Variants in CDH17 observed in about 807,000 individuals in gnomAD.
CDH17 encodes cadherin 17, also known as cadherin-17.
Under a neutral mutation model 86.3 loss-of-function variants are expected in CDH17, and 67 were observed. That is an observed-to-expected ratio of 0.78 (90% CI 0.64 to 0.95). The LOEUF (loss-of-function observed/expected upper bound fraction) is 0.95. CDH17 is among the 40% of genes least tolerant of loss of function. CDH17 has a pLI of 0.00. For missense variants in CDH17, 993 were observed against 1,017.6 expected (o/e 0.98, Z 0.33); for synonymous variants, 367 against 366.4 (o/e 1.00, Z -0.02).
intron 1 of CDH17, among the ~76,000 whole-genome samples, chr8:94,195,596 C>T (rs1166495410): frequency 6.6e-6 from 1 of 152,154 alleles, no homozygotes; most frequent in African/African-American, 2.4e-5. Flanking sequence ...TTTTTCCCTT[C>T]CTCCTTAAGG....
chr8:94,210,226 TAAAA>T (rs71567010), upstream of CDH17, among the ~76,000 whole-genome samples: 568 of 53,440 alleles, frequency 0.011, 3 homozygotes, highest in Middle Eastern at 0.036. Flanking sequence ...TTTATGCGAG[TAAAA>T]AAAAAAAAAA....
At chr8:94,183,846 AAAT>A (rs1229921904) in intron 3 of CDH17, among the ~76,000 whole-genome samples, 2 of 152,252 alleles carry the variant, frequency 1.3e-5, no homozygotes, top group African/African-American at 4.8e-5. Flanking sequence ...CGGAATATGT[AAAT>A]AATTCTTACA....
At chr8:94,191,385 C>T (rs1274351632) in intron 2 of CDH17, among the ~76,000 whole-genome samples, 3 of 151,954 alleles carry the variant, frequency 2.0e-5, no homozygotes, top group Non-Finnish European at 2.9e-5. Context: ...GAAAATAAAC[C>T]CCTATTTATT....
chr8:94,146,259 G>A, intron 14 of CDH17, 92 bp from the exon 15 acceptor site: 1 of 1,187,272 alleles, frequency 8.4e-7, no homozygotes. Flanking sequence ...CAAGGAGTTA[G>A]GTACACTGAG....
At chr8:94,141,788 T>C (rs1812643283) in intron 15 of CDH17, among the ~76,000 whole-genome samples, 1 of 152,180 alleles carries the variant, frequency 6.6e-6, no homozygotes, top group Non-Finnish European at 1.5e-5. Context: ...AATATATCAA[T>C]TCTCCTCCAG....
chr8:94,143,472 C>A (rs1443651197), intron 15 of CDH17, among the ~76,000 whole-genome samples: 1 of 152,160 alleles, frequency 6.6e-6, no homozygotes, highest in African/African-American at 2.4e-5. Context: ...AACTTAAAGT[C>A]ACCAGCTGCA....
intron 17 of CDH17, among the ~76,000 whole-genome samples, chr8:94,129,154 TGTG>T (rs1246808379): frequency 2.0e-5 from 3 of 152,018 alleles, no homozygotes; most frequent in Non-Finnish European, 4.4e-5. Flanking sequence ...GTCTTTAACT[TGTG>T]GTAAGATTAT....
chr8:94,198,724 C>T (rs916045413), intron 1 of CDH17, among the ~76,000 whole-genome samples: 136 of 152,258 alleles, frequency 8.9e-4, no homozygotes, highest in African/African-American at 3.1e-3. Context: ...AAGCTCTCAC[C>T]CCTGCTGCTC....
chr8:94,140,061 A>C (rs1032641506), intron 15 of CDH17, among the ~76,000 whole-genome samples: 1 of 152,166 alleles, frequency 6.6e-6, no homozygotes, highest in Non-Finnish European at 1.5e-5. Flanking sequence ...GAATATTTGG[A>C]AACTAAATAA....
At chr8:94,172,215 A>C (rs1357492297) in intron 7 of CDH17, among the ~76,000 whole-genome samples, 2 of 151,976 alleles carry the variant, frequency 1.3e-5, no homozygotes, top group African/African-American at 4.8e-5. Context: ...AATAATAGCT[A>C]TGAAGACTTT....
chr8:94,196,155 T>C (rs1039771610), intron 1 of CDH17, among the ~76,000 whole-genome samples: 2 of 152,220 alleles, frequency 1.3e-5, no homozygotes, highest in Non-Finnish European at 2.9e-5. Context: ...TACTTCATCA[T>C]CTTATTCTTT....
chr8:94,187,377 C>T (rs1306703125), intron 3 of CDH17, among the ~76,000 whole-genome samples: 1 of 152,222 alleles, frequency 6.6e-6, no homozygotes, highest in Non-Finnish European at 1.5e-5. Context: ...AGCTGGTAAG[C>T]TCACCGGAGC....
intron 15 of CDH17, among the ~76,000 whole-genome samples, chr8:94,134,669 TTCTGA>T (rs1812487488): frequency 1.3e-5 from 2 of 152,002 alleles, no homozygotes; most frequent in Non-Finnish European, 2.9e-5. Flanking sequence ...TTCAGTTCTG[TTCTGA>T]TCTTAGTTAT....
chr8:94,143,410 A>G (rs181634737), intron 15 of CDH17, among the ~76,000 whole-genome samples: 30 of 152,342 alleles, frequency 2.0e-4, no homozygotes, highest in Middle Eastern at 3.4e-3. Context: ...TAGATTTAGC[A>G]TAATTCTTAA....
chr8:94,189,086 A>T, intron 3 of CDH17, 101 bp downstream of exon 3: 1 of 814,070 alleles, frequency 1.2e-6, no homozygotes, highest in Non-Finnish European at 2.1e-6. Context: ...TGAGAATGCC[A>T]TGCCTTTATT....
chr8:94,205,656 A>G (rs1191662677), intron 1 of CDH17, among the ~76,000 whole-genome samples: 2 of 152,222 alleles, frequency 1.3e-5, no homozygotes, highest in African/African-American at 4.8e-5. Flanking sequence ...TCTGCTTAAT[A>G]AAAGGTGCCA....
chr8:94,184,041 A>T (rs1472261047), intron 3 of CDH17, among the ~76,000 whole-genome samples: 3 of 130,762 alleles, frequency 2.3e-5, no homozygotes, highest in African/African-American at 6.7e-5. Flanking sequence ...AGCTATAATT[A>T]AAAAAAAAAA....
chr8:94,189,830 A>G (rs981043527), intron 2 of CDH17, among the ~76,000 whole-genome samples: 5 of 152,264 alleles, frequency 3.3e-5, no homozygotes, highest in Admixed American at 6.5e-5. Flanking sequence ...GTTTTAGCCA[A>G]ATTTGAATCT....
At position 94,128,154 on chromosome 8, in the gene CDH17, A is replaced by T. The variant is rs1812336912; in HGVS notation, c.*86T>A. 1.2e-6 allele frequency: 1 copy of T among 828,676 alleles called. No homozygotes were observed. The highest frequency in any genetic ancestry group is 2.1e-5 in the Admixed American group (1 of 47,862). The allele number at this position is 828,676 out of a possible 1,614,324, so 51.3% of individuals were successfully genotyped here. A position where few individuals can be genotyped will look rare whatever the true frequency, so the allele number is the denominator to read the frequency against. Reference sequence around the variant, plus strand: ...GGGAATATCTGTTTAAAAAATTATAATGCACGTTAGATGAAAAGTAATAGG... The same window carrying T: ...GGGAATATCTGTTTAAAAAATTATATTGCACGTTAGATGAAAAGTAATAGG... On this transcript the variant is annotated 3_prime_UTR_variant, in exon 18 of 18. Transcript: ENST00000027335.
Sources: gnomAD v4.1 joint callset for allele counts (sites outside exome capture counted in the v4.1 genomes callset) on GRCh38, gnomAD v4.1.1 for gene constraint, MANE v1.5 for transcripts, NCBI Gene and HGNC (gene_info 2026-07-23, HGNC 2026-07-21) for gene names.